Variants in CRHR1 observed in about 807,000 individuals in gnomAD.
CRHR1 encodes corticotropin-releasing hormone receptor 1.
CRHR1 carries 28 observed loss-of-function variants against 56.0 expected under a neutral mutation model. The ratio of observed to expected loss-of-function variants is 0.50; its 90% confidence interval spans 0.37 to 0.69. CRHR1 has a LOEUF of 0.69. CRHR1 is among the 30% of genes least tolerant of loss of function. The pLI is 0.00. For missense variants in CRHR1, 376 were observed against 548.0 expected, an observed-to-expected ratio of 0.69 and a Z score of 3.13; for synonymous variants, 195 against 216.5, an observed-to-expected ratio of 0.90 and a Z score of 0.87.
At position 45,784,616 on chromosome 17, in the gene CRHR1, C is replaced by T; in HGVS notation, c.33+39C>T. On this transcript the variant is annotated intron_variant, in intron 1 of 12. Coordinates refer to ENST00000314537, the MANE Select transcript of CRHR1 (RefSeq NM_004382.5). The surrounding 1 kb of genome is among the most constrained non-coding windows in gnomAD (Gnocchi z 4.2). Reference sequence around the variant, plus strand: ...GGCCATCCCTCGAGCGCTGGCGCCCCCGGCCCCTGGCGGACGCGGGACGGG... The same window carrying T: ...GGCCATCCCTCGAGCGCTGGCGCCCTCGGCCCCTGGCGGACGCGGGACGGG... The T allele has an allele frequency of 2.6e-6, 4 of 1,533,126 alleles. 1 individual carries two copies. Among genetic ancestry groups the T allele is most frequent in the Non-Finnish European group, 3.5e-6 (4 of 1,138,978 alleles). The allele number at this position is 1,533,126 out of a possible 1,614,324, so 95.0% of individuals were successfully genotyped here.
At chr17:45,794,695 AG>A in intron 1 of CRHR1, among the ~76,000 whole-genome samples, 1 of 152,348 alleles carries the variant, frequency 6.6e-6, no homozygotes, top group East Asian at 1.9e-4. Flanking sequence ...AGGTGAGCTG[AG>A]GACCCATGAT....
chr17:45,830,829 A>G (rs781557928), intron 7 of CRHR1, 51 bp from the exon 8 acceptor site: 5 of 1,580,964 alleles, frequency 3.2e-6, no homozygotes, highest in Non-Finnish European at 4.3e-6. Context: ...CTCCAGGCCC[A>G]CATCCTCCAG....
chr17:45,829,107 G>A, intron 4 of CRHR1, 108 bp from the exon 5 acceptor site: 1 of 785,242 alleles, frequency 1.3e-6, no homozygotes, highest in Non-Finnish European at 2.1e-6. Flanking sequence ...AGGGGGAGTG[G>A]CCCTTGAGAT....
chr17:45,803,625 A>G (rs2061662880), intron 1 of CRHR1, among the ~76,000 whole-genome samples: 1 of 152,190 alleles, frequency 6.6e-6, no homozygotes, highest in African/African-American at 2.4e-5. Flanking sequence ...ACCTCAGGTG[A>G]TCCGCCTGCC....
intron 12 of CRHR1, 22 bp from the exon 13 acceptor site, chr17:45,834,602 G>T (rs199761678): frequency 5.6e-6 from 9 of 1,596,816 alleles, no homozygotes; most frequent in Non-Finnish European, 7.7e-6. Flanking sequence ...CTCAGATGTC[G>T]TGCTCCTCCC....
At chr17:45,797,307 T>TA (rs1215075230) in intron 1 of CRHR1, among the ~76,000 whole-genome samples, 4 of 137,220 alleles carry the variant, frequency 2.9e-5, no homozygotes, top group African/African-American at 1.1e-4. Context: ...TTTTTTTTTT[T>TA]TGAGACGGAG....
chr17:45,808,357 G>C (rs964434438), intron 2 of CRHR1, among the ~76,000 whole-genome samples: 2 of 152,314 alleles, frequency 1.3e-5, no homozygotes, highest in East Asian at 1.9e-4. Flanking sequence ...GAGCCTGGGG[G>C]CAGAGGAACA....
chr17:45,813,316 C>A (rs1478779252), intron 2 of CRHR1, among the ~76,000 whole-genome samples: 9 of 152,226 alleles, frequency 5.9e-5, no homozygotes, highest in East Asian at 1.9e-4. Flanking sequence ...CCAACCCCCC[C>A]ACCCCAAGCC....
chr17:45,834,996 C>T lies in CRHR1; in HGVS notation c.*232C>T. 1.7e-6 allele frequency: 1 copy of T among 578,434 alleles called. No homozygotes were observed. The highest frequency in any genetic ancestry group is 3.0e-6 in the Non-Finnish European group (1 of 329,900). 35.8% of individuals were successfully genotyped at this position (578,434 alleles called of 1,614,324 possible). On this transcript the variant is annotated 3_prime_UTR_variant, in exon 13 of 13. Transcript: ENST00000314537. ...GGGCCGGGCCCAGGGCCTCTGGCTT[C>T]CCTGCCCAATCCTCCCTGGAGAAGG...
Position 45,819,660 on chromosome 17 carries a change from T to C in CRHR1, c.242-1695T>C, listed in dbSNP as rs540416592. On this transcript the variant is annotated intron_variant, in intron 3 of 12. Coordinates refer to ENST00000314537, the MANE Select transcript of CRHR1 (RefSeq NM_004382.5). ...GGTAACTCATCCCTCATTTGGCAAT[T>C]GGAGAGAATCAGCAGCCTCTTCACC... Among the ~76,000 whole-genome samples, 525 of 152,078 alleles carry C rather than the reference T, an allele frequency of 3.5e-3. 1 individual carries two copies. Among genetic ancestry groups the C allele is most frequent in the Non-Finnish European group, 5.5e-3 (371 of 67,928 alleles).
rs748535729 is a variant in CRHR1 at position 45,834,037 on chromosome 17, C to T, written c.1096C>T (p.Leu366Phe). 26 of 1,613,296 alleles carry T rather than the reference C, an allele frequency of 1.6e-5. No homozygotes were observed. The highest frequency in any genetic ancestry group is 2.0e-5 in the Non-Finnish European group (24 of 1,179,424). ...CTTTGTGTCTGTGTTCTACTGTTTCCTCAATAGTGAGGTGAGGACCCGGGG... is the reference window on the plus strand; with the variant it reads ...CTTTGTGTCTGTGTTCTACTGTTTCTTCAATAGTGAGGTGAGGACCCGGGG... The part of the protein sequence containing the change: ...GFFVSVFYCF[L>F]NSEVRSAIRK... Residue 366 changes from leucine to phenylalanine, a missense_variant, in exon 12 of 13, where the codon CTC becomes TTC. Coordinates refer to ENST00000314537, the MANE Select transcript of CRHR1 (RefSeq NM_004382.5).
chr17:45,816,422 C>T (rs776649208), intron 2 of CRHR1, 41 bp from the exon 3 acceptor site: 11 of 1,610,744 alleles, frequency 6.8e-6, no homozygotes, highest in African/African-American at 2.7e-5. Context: ...GGGCCTTGGC[C>T]GGATATCTTG....
intron 1 of CRHR1, 111 bp from the exon 2 acceptor site, chr17:45,806,899 G>A (rs902456252): frequency 1.2e-6 from 1 of 828,220 alleles, no homozygotes; most frequent in Non-Finnish European, 2.0e-6. Flanking sequence ...CAGGGTGGGA[G>A]GGGAGGCAGG....
At chr17:45,830,339 C>T in intron 6 of CRHR1, 78 bp from the exon 7 acceptor site, 1 of 1,581,444 alleles carries the variant, frequency 6.3e-7, no homozygotes, top group Non-Finnish European at 8.6e-7. Flanking sequence ...CCCTGTCCTG[C>T]CCTGGGGAGG....
intron 3 of CRHR1, among the ~76,000 whole-genome samples, chr17:45,817,632 T>C (rs2143077235): frequency 6.6e-6 from 1 of 152,238 alleles, no homozygotes; most frequent in African/African-American, 2.4e-5. Flanking sequence ...GGTGTTAAGG[T>C]TGGGGGCTAC....
intron 3 of CRHR1, 64 bp downstream of exon 3, chr17:45,816,646 G>A: frequency 6.2e-7 from 1 of 1,604,936 alleles, no homozygotes; most frequent in South Asian, 1.1e-5. Flanking sequence ...AGAGCTTGGA[G>A]GTGGGGGAAG....
intron 4 of CRHR1, among the ~76,000 whole-genome samples, chr17:45,828,473 C>G (rs945937981): frequency 2.6e-5 from 4 of 152,222 alleles, no homozygotes; most frequent in African/African-American, 9.7e-5. Flanking sequence ...GGCTTCACCA[C>G]TCTTGGAACT....
chr17:45,792,818 T>C (rs1439641912), intron 1 of CRHR1, among the ~76,000 whole-genome samples: 1 of 152,238 alleles, frequency 6.6e-6, no homozygotes. Flanking sequence ...AAACACCTAC[T>C]AACCAGATTC....
At chr17:45,804,950 G>A (rs910972191) in intron 1 of CRHR1, among the ~76,000 whole-genome samples, 2 of 152,028 alleles carry the variant, frequency 1.3e-5, no homozygotes, top group South Asian at 4.2e-4. Flanking sequence ...GAATAGCTGG[G>A]ATTACAGGTG....
Sources: gnomAD v4.1 joint callset for allele counts (sites outside exome capture counted in the v4.1 genomes callset) on GRCh38, gnomAD v4.1.1 for gene constraint, Gnocchi (gnomAD v3.1) non-coding constraint, MANE v1.5 for transcripts, NCBI Gene and HGNC (gene_info 2026-07-23, HGNC 2026-07-21) for gene names.